Variants in DCLRE1A observed in about 807,000 individuals in gnomAD.
DCLRE1A encodes DNA cross-link repair 1A.
In DCLRE1A, 64 loss-of-function variants were observed where a neutral mutation model predicts 91.9. The ratio of observed to expected loss-of-function variants is 0.70; its 90% CI spans 0.57 to 0.86. The LOEUF (loss-of-function observed/expected upper bound fraction) is 0.86. Ranked by LOEUF, DCLRE1A falls within the 40% of genes least tolerant of loss-of-function variation. DCLRE1A has a pLI of 0.00. For synonymous variants in DCLRE1A, 416 were observed against 431.1 expected (o/e 0.96, Z 0.43); for missense variants, 1,145 against 1,213.3 (o/e 0.94, Z 0.84).
In DCLRE1A at chr10:113,853,772, C is replaced by T. The variant is rs1193524746; in HGVS notation, c.-590G>A. 6.6e-6 allele frequency: 1 copy of T among 152,440 alleles called. No individual in the cohort carries two copies. The highest frequency in any genetic ancestry group is 6.5e-5 in the Admixed American group (1 of 15,292). The allele number at this position is 152,440 out of a possible 1,614,324, so 9.4% of individuals were successfully genotyped here. Reference sequence around the variant, plus strand: ...AAACTGCGAAGTCACTGCCCTCATCCACGACTAGTGGATACTCAACCACTT... The same window carrying T: ...AAACTGCGAAGTCACTGCCCTCATCTACGACTAGTGGATACTCAACCACTT... On this transcript the variant is annotated 5_prime_UTR_variant, in exon 1 of 9. Coordinates refer to ENST00000361384, the MANE Select transcript of DCLRE1A (RefSeq NM_014881.5).
In DCLRE1A at chr10:113,835,059, T is replaced by C. The variant is rs1004761000; in HGVS notation, c.*93A>G. 7.0e-5 allele frequency: 90 copies of C among 1,277,074 alleles called. No individual in the cohort carries two copies. In the African/African-American group the frequency reaches 1.1e-3, roughly 16 times the overall value. 79.1% of individuals were successfully genotyped at this position (1,277,074 alleles called of 1,614,324 possible). On this transcript the variant is annotated 3_prime_UTR_variant, in exon 9 of 9. Coordinates refer to ENST00000361384, the MANE Select transcript of DCLRE1A (RefSeq NM_014881.5). ...ATCTGAACAATCTTCATGAGGTTTT[T>C]CCACACAAAGTGTATTTCACATTTC...
At chr10:113,836,361 T>C (rs1845362871) in intron 8 of DCLRE1A, among the ~76,000 whole-genome samples, 1 of 151,892 alleles carries the variant, frequency 6.6e-6, no homozygotes, top group South Asian at 2.1e-4. Flanking sequence ...TAGCTACAGG[T>C]TTCAGGAAAA....
Position 113,842,445 on chromosome 10 carries a change from T to C in DCLRE1A, c.2563A>G (p.Ile855Val), listed in dbSNP as rs1483498135. 1 of 1,613,938 alleles carries C rather than the reference T, an allele frequency of 6.2e-7. No homozygotes were observed. The highest frequency in any genetic ancestry group is 1.7e-5 in the Admixed American group (1 of 60,016). Residue 855 changes from isoleucine to valine, a missense_variant, in exon 6 of 9, where the codon ATC (isoleucine) becomes GTC (valine). Ile to Val is a conservative substitution (Grantham distance 29). Transcript: ENST00000361384. ...AAGGCAGTGTTGATGGCAAACCGGA[T>C]AACCTCTTGCTGAGATGGAAAGGTG... is the stretch of plus-strand genomic sequence containing the variant. ...EYTFPSQQEV[I>V]RFAINTAFEA...
At position 113,837,241 on chromosome 10, in the gene DCLRE1A, C is replaced by T. The variant is rs570994816; in HGVS notation, c.2821-38G>A. 29 of 1,579,832 alleles carry T rather than the reference C, an allele frequency of 1.8e-5. 1 individual carries two copies. The African/African-American group carries it at 2.4e-4, about 13-fold the overall frequency. On this transcript the variant is annotated intron_variant, in intron 7 of 8. Transcript: ENST00000361384. ...AATAGCATATTGAGGTCAATGGAGACGAGTTATATGGAATAAAACAGACTG... is the reference window on the plus strand; with the variant it reads ...AATAGCATATTGAGGTCAATGGAGATGAGTTATATGGAATAAAACAGACTG...
chr10:113,844,936 CAAA>C (rs531248552), intron 4 of DCLRE1A, among the ~76,000 whole-genome samples: 1 of 75,328 alleles, frequency 1.3e-5, no homozygotes, highest in Non-Finnish European at 2.8e-5. Flanking sequence ...AACTCTGTCT[CAAA>C]AAAAAAAAAA....
intron 1 of DCLRE1A, among the ~76,000 whole-genome samples, chr10:113,851,760 G>A (rs1206280612): frequency 1.4e-5 from 2 of 141,460 alleles, no homozygotes; most frequent in East Asian, 4.1e-4. Flanking sequence ...TCCCTCTGTC[G>A]CCCCACCCAG....
chr10:113,840,858 T>C (rs2134651291), intron 7 of DCLRE1A, among the ~76,000 whole-genome samples: 1 of 152,344 alleles, frequency 6.6e-6, no homozygotes, highest in African/African-American at 2.4e-5. Context: ...TATGAATAAG[T>C]CTGACAAATA....
chr10:113,845,655 A>G, intron 4 of DCLRE1A, 30 bp downstream of exon 4: 1 of 1,532,050 alleles, frequency 6.5e-7, no homozygotes, highest in Non-Finnish European at 9.0e-7. Flanking sequence ...CATTTAAAAA[A>G]TGTGCTATTA....
chr10:113,838,928 G>T (rs74894666), intron 7 of DCLRE1A, among the ~76,000 whole-genome samples: 2 of 151,908 alleles, frequency 1.3e-5, no homozygotes, highest in African/African-American at 2.4e-5. Flanking sequence ...CCTTTTCACA[G>T]AAAGTAATTA....
rs775061287 is a variant in DCLRE1A, at chr10:113,849,735, G to A, written c.1370C>T (p.Ser457Phe). 3 of 1,614,164 alleles carry A rather than the reference G, an allele frequency of 1.9e-6. No individual in the cohort carries two copies. Among genetic ancestry groups the A allele is most frequent in the South Asian group, 1.1e-5 (1 of 91,076 alleles). Reference protein sequence around the residue: ...IEESSVYNQVSLPLVKSLMLK... With the variant: ...IEESSVYNQVFLPLVKSLMLK... The stretch of plus-strand genomic sequence containing the variant: ...CATTAAACTCTTAACTAACGGAAGA[G>A]AAACTTGATTGTAAACAGATGATTC... The change falls in exon 2 of 9, where the codon TCT becomes TTT. Residue 457 changes from serine (S) to phenylalanine (F), a missense_variant. By Grantham distance (155) the Ser-to-Phe change is radical. Coordinates refer to ENST00000361384, the MANE Select transcript of DCLRE1A (RefSeq NM_014881.5).
intron 5 of DCLRE1A, among the ~76,000 whole-genome samples, chr10:113,842,964 T>A (rs1845469792): frequency 1.3e-5 from 2 of 151,668 alleles, no homozygotes; most frequent in Non-Finnish European, 2.9e-5. Flanking sequence ...TGGTTGATAT[T>A]AATATCATTT....
chr10:113,849,103 T>C lies in DCLRE1A; in HGVS notation c.2002A>G (p.Lys668Glu), dbSNP rs773485376. ...GCTGATTTTGTGAAGACTTTGACTT[T>C]ACTTAAATTGACTGCTTCAGATTCT... The part of the protein sequence containing the change: ...NTESEAVNLS[K>E]VKVFTKSAHG... The change falls in exon 2 of 9, where the codon AAA (lysine) becomes GAA (glutamate). Residue 668 changes from lysine to glutamate, a missense_variant. Transcript: ENST00000361384. 1.2e-6 allele frequency: 2 copies of C among 1,614,190 alleles called. No individual in the cohort carries two copies. Among genetic ancestry groups the C allele is most frequent in the Non-Finnish European group, 1.7e-6 (2 of 1,180,026 alleles).
At chr10:113,848,779 A>C (rs1037338191) in intron 2 of DCLRE1A, among the ~76,000 whole-genome samples, 6 of 152,160 alleles carry the variant, frequency 3.9e-5, no homozygotes, top group Admixed American at 3.9e-4. Flanking sequence ...GTTTAATAGA[A>C]ACTTGATGAA....
intron 2 of DCLRE1A, 27 bp downstream of exon 2, chr10:113,848,953 A>AT: frequency 6.3e-7 from 1 of 1,582,322 alleles, no homozygotes; most frequent in East Asian, 2.2e-5. Flanking sequence ...CTTTGTTGAT[A>AT]TATCGAGTAT....
Position 113,842,338 on chromosome 10 carries a change from C to T in DCLRE1A, c.2665+5G>A. ...TAATGTAAATTAGATACACCTACAA[C>T]TCACCTAGGAAGACTTTCTCTTTTC... On this transcript the variant is annotated splice_donor_5th_base_variant and intron_variant, in intron 6 of 8. Coordinates refer to ENST00000361384, the MANE Select transcript of DCLRE1A (RefSeq NM_014881.5). The T allele has an allele frequency of 1.2e-6, 2 of 1,610,996 alleles. No homozygotes were observed. Among genetic ancestry groups the T allele is most frequent in the Non-Finnish European group, 1.7e-6 (2 of 1,178,126 alleles).
intron 3 of DCLRE1A, among the ~76,000 whole-genome samples, chr10:113,846,276 G>A (rs1025666632): frequency 6.6e-6 from 1 of 151,966 alleles, no homozygotes; most frequent in Non-Finnish European, 1.5e-5. Context: ...TGTGACCTGG[G>A]GCACGTCACT....
chr10:113,836,923 G>T, intron 8 of DCLRE1A, 139 bp downstream of exon 8: 1 of 712,716 alleles, frequency 1.4e-6, no homozygotes. Flanking sequence ...TACAGGATTA[G>T]AGTTGTAGAG....
intron 7 of DCLRE1A, among the ~76,000 whole-genome samples, chr10:113,840,362 G>A (rs1009796096): frequency 6.6e-6 from 1 of 151,878 alleles, no homozygotes; most frequent in Non-Finnish European, 1.5e-5. Flanking sequence ...TCTTGTTTAA[G>A]TTGGGATTTG....
chr10:113,849,951 G>C lies in DCLRE1A; in HGVS notation c.1154C>G (p.Ser385Cys). 6.2e-7 allele frequency: 1 copy of C among 1,614,098 alleles called. No individual in the cohort carries two copies. The highest frequency in any genetic ancestry group is 8.5e-7 in the Non-Finnish European group (1 of 1,180,026). The change falls in exon 2 of 9, where the codon TCT (serine) becomes TGT (cysteine). Residue 385 changes from serine to cysteine, a missense_variant. Transcript: ENST00000361384. ...LYRFNSLNDLSQPISQNNEST... is the reference protein window; with the variant it reads ...LYRFNSLNDLCQPISQNNEST... Reference sequence around the variant, plus strand: ...CTCATTATTTTGAGAAATAGGTTGAGACAAATCATTTAGACTATTGAATCT... The same window carrying C: ...CTCATTATTTTGAGAAATAGGTTGACACAAATCATTTAGACTATTGAATCT...
Sources: gnomAD v4.1 joint callset for allele counts (sites outside exome capture counted in the v4.1 genomes callset) on GRCh38, gnomAD v4.1.1 for gene constraint, MANE v1.5 for transcripts, NCBI Gene and HGNC (gene_info 2026-07-23, HGNC 2026-07-21) for gene names.